EHHADH: variants seen among roughly 807,000 people sequenced by gnomAD.
EHHADH encodes peroxisomal bifunctional enzyme.
A neutral mutation model predicts 64.4 loss-of-function variants in EHHADH; 48 were observed. The observed-to-expected ratio is 0.75, with a 90% CI of 0.59 to 0.95. EHHADH has a LOEUF of 0.95. Among genes scored for constraint, EHHADH ranks in the 40% least tolerant of loss-of-function variants. The probability of loss-of-function intolerance (pLI) is 0.00; values close to 1 mark genes in which losing one functional copy is unlikely to be tolerated. For missense variants in EHHADH, 854 were observed against 876.6 expected, an observed-to-expected ratio of 0.97 and a Z score of 0.33; for synonymous variants, 308 against 326.7, an observed-to-expected ratio of 0.94 and a Z score of 0.62.
intron 4 of EHHADH, among the ~76,000 whole-genome samples, chr3:185,226,293 A>C (rs529258107): frequency 1.3e-5 from 2 of 152,300 alleles, no homozygotes; most frequent in East Asian, 3.9e-4. Context: ...GTACATAGGA[A>C]AGGAAGCCTC....
chr3:185,200,168 C>T (rs929063353), intron 6 of EHHADH, among the ~76,000 whole-genome samples: 1 of 152,142 alleles, frequency 6.6e-6, no homozygotes, highest in African/African-American at 2.4e-5. Flanking sequence ...GATGTGTTGC[C>T]TAACCAGCCC....
In EHHADH at chr3:185,204,827, A is replaced by T. The variant is rs564823208; in HGVS notation, c.569-70T>A. Reference sequence around the variant, plus strand: ...ACAAAGGGAATGTGAATATATAGTAATAACAATAACCTGTTCAAATTCAAA... The same window carrying T: ...ACAAAGGGAATGTGAATATATAGTATTAACAATAACCTGTTCAAATTCAAA... On this transcript the variant is annotated intron_variant, in intron 5 of 6. Coordinates refer to ENST00000231887, the MANE Select transcript of EHHADH (RefSeq NM_001966.4). 2.0e-5 allele frequency: 26 copies of T among 1,282,310 alleles called. No homozygotes were observed. The African/African-American group carries it at 3.9e-4, about 19-fold the overall frequency. The allele number at this position is 1,282,310 out of a possible 1,614,324, so 79.4% of individuals were successfully genotyped here. A position where few individuals can be genotyped will look rare whatever the true frequency, so the allele number is the denominator to read the frequency against.
intron 2 of EHHADH, among the ~76,000 whole-genome samples, chr3:185,241,426 C>A (rs901683112): frequency 1.3e-5 from 2 of 152,180 alleles, no homozygotes; most frequent in Non-Finnish European, 2.9e-5. Context: ...CAGCAATGTA[C>A]AAGTGTTTCC....
chr3:185,210,137 G>A (rs926600496), intron 5 of EHHADH, among the ~76,000 whole-genome samples: 19 of 152,170 alleles, frequency 1.2e-4, no homozygotes, highest in Non-Finnish European at 2.6e-4. Context: ...TCTATGCCAT[G>A]TAACAGGGCA....
In EHHADH at chr3:185,239,362, A is replaced by G. The variant is rs1719387046; in HGVS notation, c.179-3900T>C. On this transcript the variant is annotated intron_variant, in intron 2 of 6. Coordinates refer to ENST00000231887, the MANE Select transcript of EHHADH (RefSeq NM_001966.4). Reference sequence around the variant, plus strand: ...GATAGGAATTGCATTGAATCTGTATATTGTTTTGGGCAGTATGTCCATTTT... The same window carrying G: ...GATAGGAATTGCATTGAATCTGTATGTTGTTTTGGGCAGTATGTCCATTTT... Among the ~76,000 whole-genome samples the G allele has an allele frequency of 2.6e-5, 4 of 152,078 alleles. No homozygotes were observed. In the South Asian group the frequency reaches 8.3e-4, roughly 31 times the overall value.
chr3:185,205,779 C>G (rs1266691599), intron 5 of EHHADH, among the ~76,000 whole-genome samples: 2 of 152,020 alleles, frequency 1.3e-5, no homozygotes, highest in African/African-American at 4.8e-5. Flanking sequence ...CAGCTAAATC[C>G]CACTGAATAG....
At chr3:185,207,909 G>A (rs1490190439) in intron 5 of EHHADH, among the ~76,000 whole-genome samples, 3 of 152,148 alleles carry the variant, frequency 2.0e-5, no homozygotes, top group Non-Finnish European at 4.4e-5. Flanking sequence ...TTTCTTAAAC[G>A]GGCAAAAACT....
At chr3:185,251,063 C>T (rs1442998463) in intron 1 of EHHADH, among the ~76,000 whole-genome samples, 1 of 152,152 alleles carries the variant, frequency 6.6e-6, no homozygotes, top group African/African-American at 2.4e-5. Context: ...CAGAGAGAGT[C>T]ATAGCAATGT....
intron 5 of EHHADH, among the ~76,000 whole-genome samples, chr3:185,209,721 A>C (rs975421860): frequency 6.6e-6 from 1 of 152,216 alleles, no homozygotes; most frequent in Non-Finnish European, 1.5e-5. Flanking sequence ...TAAATCAAAG[A>C]GACAAGAATA....
rs1560004127 is a variant in EHHADH, at chr3:185,192,920, T to TA, written c.1477dup (p.Tyr493LeufsTer23). ...TTTGCTGCCTTCTTCTAACAAGAAA[T>TA]ATGCCTGATTGTAGTAAGGATTCAA... On this transcript the variant is annotated frameshift_variant, in exon 7 of 7. Coordinates refer to ENST00000231887, the MANE Select transcript of EHHADH (RefSeq NM_001966.4). LOFTEE classifies it high-confidence loss of function. The TA allele has an allele frequency of 1.2e-6, 2 of 1,614,166 alleles. No individual in the cohort carries two copies. The highest frequency in any genetic ancestry group is 1.7e-6 in the Non-Finnish European group (2 of 1,180,028).
At chr3:185,253,426 G>T (rs1475930224) in intron 1 of EHHADH, among the ~76,000 whole-genome samples, 1 of 93,098 alleles carries the variant, frequency 1.1e-5, no homozygotes, top group African/African-American at 4.1e-5. Flanking sequence ...TTGTGGGGTG[G>T]GGGGAGGGGG....
intron 5 of EHHADH, among the ~76,000 whole-genome samples, chr3:185,205,323 TCCTC>T (rs1718357594): frequency 6.6e-6 from 1 of 152,110 alleles, no homozygotes; most frequent in Admixed American, 6.6e-5. Flanking sequence ...ACCTTTGCCA[TCCTC>T]CCTCCCTTCC....
In EHHADH at chr3:185,220,420, G is replaced by T. The variant is rs539155678; in HGVS notation, c.464-2180C>A. Among the ~76,000 whole-genome samples, 5 of 152,262 alleles carry T rather than the reference G, an allele frequency of 3.3e-5. No individual in the cohort carries two copies. In the South Asian group the frequency reaches 1.0e-3, roughly 32 times the overall value. On this transcript the variant is annotated intron_variant, in intron 4 of 6. Coordinates refer to ENST00000231887, the MANE Select transcript of EHHADH (RefSeq NM_001966.4). ...TTCCATTGTGTTACAAATGCCTACA[G>T]TATTCAGTACAGTAACATGCTGCAC...
At chr3:185,239,413 G>A (rs532624670) in intron 2 of EHHADH, among the ~76,000 whole-genome samples, 2 of 152,262 alleles carry the variant, frequency 1.3e-5, no homozygotes, top group East Asian at 3.9e-4. Context: ...TTCAATGCAT[G>A]AGCATGGATG....
intron 4 of EHHADH, among the ~76,000 whole-genome samples, chr3:185,223,284 T>A (rs755300820): frequency 1.3e-5 from 2 of 152,188 alleles, no homozygotes; most frequent in Non-Finnish European, 2.9e-5. Context: ...ACCACATCTT[T>A]TTATTGCTTC....
At chr3:185,228,738 G>A (rs1719069885) in intron 4 of EHHADH, among the ~76,000 whole-genome samples, 1 of 152,072 alleles carries the variant, frequency 6.6e-6, no homozygotes, top group Non-Finnish European at 1.5e-5. Flanking sequence ...ATACTTGCCA[G>A]TGAAAAATTT....
At position 185,216,608 on chromosome 3, in the gene EHHADH, C is replaced by T. The variant is rs911839751; in HGVS notation, c.568+1528G>A. 1.3e-5 allele frequency among the ~76,000 whole-genome samples: 2 copies of T among 152,202 alleles called. No homozygotes were observed. The highest frequency in any genetic ancestry group is 4.8e-5 in the African/African-American group (2 of 41,460). On this transcript the variant is annotated intron_variant, in intron 5 of 6. Coordinates refer to ENST00000231887, the MANE Select transcript of EHHADH (RefSeq NM_001966.4). The surrounding 1 kb of genome is among the most constrained non-coding windows in gnomAD (Gnocchi z 5.3). ...GGGGTCTCCATTATTTTCTCCCCAT[C>T]GTTCCTCCCCTCTCCAGTTCAAGCT...
intron 6 of EHHADH, among the ~76,000 whole-genome samples, chr3:185,201,732 TG>T (rs1459452288): frequency 6.6e-6 from 1 of 152,192 alleles, no homozygotes; most frequent in African/African-American, 2.4e-5. Flanking sequence ...CAAAACAATG[TG>T]GATATCATTT....
intron 6 of EHHADH, among the ~76,000 whole-genome samples, chr3:185,198,936 A>C (rs1019051516): frequency 1.7e-5 from 2 of 115,040 alleles, no homozygotes; most frequent in African/African-American, 1.4e-4. Context: ...AACTGTTATT[A>C]AAAAAAAACA....
Sources: allele counts gnomAD v4.1 joint callset (sites outside exome capture counted in the v4.1 genomes callset), GRCh38; gene constraint gnomAD v4.1.1; non-coding constraint Gnocchi (gnomAD v3.1); transcripts MANE v1.5; gene names NCBI Gene and HGNC (gene_info 2026-07-23, HGNC 2026-07-21).